The following TIMP3 variants were observed in gnomAD, a reference collection of about 807,000 sequenced individuals.
TIMP3 encodes metalloproteinase inhibitor 3.
A neutral mutation model predicts 30.0 loss-of-function variants in TIMP3; 11 were observed. That is an observed-to-expected ratio of 0.37 (90% CI 0.23 to 0.61). The LOEUF (loss-of-function observed/expected upper bound fraction) is 0.61. Ranked by LOEUF, TIMP3 falls within the 20% of genes least tolerant of loss-of-function variation. The pLI is 0.70. For missense variants in TIMP3, 181 were observed against 276.8 expected (o/e 0.65, Z 2.45); for synonymous variants, 112 against 111.3 (o/e 1.01, Z -0.04).
At chr22:32,825,968 T>G (rs1331806005) in intron 1 of TIMP3, among the ~76,000 whole-genome samples, 1 of 152,328 alleles carries the variant, frequency 6.6e-6, no homozygotes, top group East Asian at 1.9e-4. Context: ...CACAAGTTTA[T>G]AGTAGCATAG....
At chr22:32,850,409 G>A (rs946505755) in intron 2 of TIMP3, among the ~76,000 whole-genome samples, 1 of 152,102 alleles carries the variant, frequency 6.6e-6, no homozygotes, top group Admixed American at 6.5e-5. Context: ...TACTTGTAAG[G>A]AGGAGCGGGT....
intron 1 of TIMP3, among the ~76,000 whole-genome samples, chr22:32,807,523 T>C (rs1197674980): frequency 3.4e-5 from 5 of 147,558 alleles, no homozygotes; most frequent in Non-Finnish European, 7.4e-5. Context: ...GGCATTATTC[T>C]AAGTCATTAA....
chr22:32,840,419 G>T (rs2047861916), intron 1 of TIMP3, among the ~76,000 whole-genome samples: 1 of 152,080 alleles, frequency 6.6e-6, no homozygotes, highest in Admixed American at 6.5e-5. Context: ...GGGGGACCAG[G>T]GTAGGATGCA....
At chr22:32,835,789 C>T (rs1415250212) in intron 1 of TIMP3, among the ~76,000 whole-genome samples, 3 of 152,184 alleles carry the variant, frequency 2.0e-5, no homozygotes, top group African/African-American at 7.2e-5. Context: ...CCAAGGTACC[C>T]TCAATCTGGC....
chr22:32,815,195 G>A (rs2047055704), intron 1 of TIMP3, among the ~76,000 whole-genome samples: 3 of 152,168 alleles, frequency 2.0e-5, no homozygotes, highest in Admixed American at 2.0e-4. Flanking sequence ...AGGGATATGG[G>A]GCTGTTCGAG....
At position 32,860,325 on chromosome 22, in the gene TIMP3, T is replaced by C. The variant is rs1400103145; in HGVS notation, c.*948T>C. The C allele has an allele frequency of 6.6e-6, 1 of 152,624 alleles. No individual in the cohort carries two copies. The highest frequency in any genetic ancestry group is 1.5e-5 in the Non-Finnish European group (1 of 68,032). The allele number at this position is 152,624 out of a possible 1,614,324, so 9.5% of individuals were successfully genotyped here. A position where few individuals can be genotyped will look rare whatever the true frequency, so the allele number is the denominator to read the frequency against. On this transcript the variant is annotated 3_prime_UTR_variant, in exon 5 of 5. Transcript: ENST00000266085. The stretch of plus-strand genomic sequence containing the variant: ...ACAGATATAGCCAAGTAGATTTGGG[T>C]AGAGGATACTATTTCCAGAATAGTG...
At chr22:32,851,596 A>C (rs1189716960) in intron 2 of TIMP3, among the ~76,000 whole-genome samples, 1 of 152,130 alleles carries the variant, frequency 6.6e-6, no homozygotes, top group African/African-American at 2.4e-5. Flanking sequence ...GCTGGGAATT[A>C]GATGTAGGAT....
intron 2 of TIMP3, among the ~76,000 whole-genome samples, chr22:32,856,679 C>T (rs2048377507): frequency 6.6e-6 from 1 of 152,142 alleles, no homozygotes; most frequent in South Asian, 2.1e-4. Context: ...TCTGAATTAT[C>T]CTCTACTAGC....
chr22:32,818,615 G>A (rs932448496), intron 1 of TIMP3, among the ~76,000 whole-genome samples: 2 of 152,138 alleles, frequency 1.3e-5, no homozygotes, highest in Admixed American at 6.5e-5. Flanking sequence ...TGTGTTTGCC[G>A]CCACCCCATT....
intron 1 of TIMP3, among the ~76,000 whole-genome samples, chr22:32,839,094 A>T (rs1016087798): frequency 6.6e-6 from 1 of 151,796 alleles, no homozygotes; most frequent in Non-Finnish European, 1.5e-5. Context: ...GGAGGAAGTG[A>T]TTCTCACCTA....
rs1304806366 is a variant in TIMP3 at position 32,861,125 on chromosome 22, C to T, written c.*1748C>T. ...ATTTATCTTCTATTAGTATTTGTAT[C>T]TTCAGTTCATTCCACTTTAGGAAAC... On this transcript the variant is annotated 3_prime_UTR_variant, in exon 5 of 5. Coordinates refer to ENST00000266085, the MANE Select transcript of TIMP3 (RefSeq NM_000362.5). 6.6e-6 allele frequency: 1 copy of T among 150,796 alleles called. No individual in the cohort carries two copies. The highest frequency in any genetic ancestry group is 1.5e-5 in the Non-Finnish European group (1 of 67,734). 9.3% of individuals were successfully genotyped at this position (150,796 alleles called of 1,614,324 possible).
At position 32,837,719 on chromosome 22, in the gene TIMP3, A is replaced by G. The variant is rs986287593; in HGVS notation, c.122-11733A>G. 2.4e-4 allele frequency among the ~76,000 whole-genome samples: 36 copies of G among 152,232 alleles called. No homozygotes were observed. Among genetic ancestry groups the G allele is most frequent in the Middle Eastern group, 6.8e-3 (2 of 294 alleles). On this transcript the variant is annotated intron_variant, in intron 1 of 4. Coordinates refer to ENST00000266085, the MANE Select transcript of TIMP3 (RefSeq NM_000362.5). This position sits in a 1 kb window ranked among gnomAD's most constrained non-coding sequence, Gnocchi z 4.1. ...TTGGATACATGCAATCCTAAAGTCT[A>G]TGGGCAGTGACAGAGTGATAAGTCT...
At chr22:32,819,708 C>A (rs1323366344) in intron 1 of TIMP3, among the ~76,000 whole-genome samples, 1 of 152,196 alleles carries the variant, frequency 6.6e-6, no homozygotes, top group Non-Finnish European at 1.5e-5. Flanking sequence ...GGGGCCGCGT[C>A]TCCCAGCATA....
chr22:32,826,525 C>T (rs181596806), intron 1 of TIMP3, among the ~76,000 whole-genome samples: 4 of 152,208 alleles, frequency 2.6e-5, no homozygotes, highest in Non-Finnish European at 4.4e-5. Flanking sequence ...AACCTCGGTC[C>T]TATTTTGTTA....
At chr22:32,825,238 C>T (rs2047367263) in intron 1 of TIMP3, among the ~76,000 whole-genome samples, 1 of 152,100 alleles carries the variant, frequency 6.6e-6, no homozygotes, top group Non-Finnish European at 1.5e-5. Flanking sequence ...TAGAGGTCTG[C>T]AGGGTGGCCA....
intron 2 of TIMP3, among the ~76,000 whole-genome samples, chr22:32,851,498 G>C (rs914062285): frequency 6.6e-6 from 1 of 152,128 alleles, no homozygotes; most frequent in South Asian, 2.1e-4. Context: ...TCCCAGGCTG[G>C]TGGGCTTAGA....
intron 1 of TIMP3, 112 bp from the exon 2 acceptor site, chr22:32,849,340 G>T: frequency 1.2e-6 from 1 of 858,420 alleles, no homozygotes. Flanking sequence ...TTGGCTCCAA[G>T]GTAAGAGTGC....
intron 1 of TIMP3, among the ~76,000 whole-genome samples, chr22:32,841,664 A>G (rs1210501829): frequency 7.3e-6 from 1 of 137,304 alleles, no homozygotes. Flanking sequence ...GAGGGGAACA[A>G]CATACACTGG....
chr22:32,815,876 T>G (rs909555666), intron 1 of TIMP3, among the ~76,000 whole-genome samples: 1 of 152,188 alleles, frequency 6.6e-6, no homozygotes, highest in African/African-American at 2.4e-5. Context: ...AGAGCTAGTA[T>G]TTGAGCAGGT....
Sources: gnomAD v4.1 joint callset for allele counts (sites outside exome capture counted in the v4.1 genomes callset) on GRCh38, gnomAD v4.1.1 for gene constraint, Gnocchi (gnomAD v3.1) non-coding constraint, MANE v1.5 for transcripts, NCBI Gene and HGNC (gene_info 2026-07-23, HGNC 2026-07-21) for gene names.